The following GABRB1 variants were observed in gnomAD, a reference collection of about 807,000 sequenced individuals.
GABRB1 encodes the protein gamma-aminobutyric acid type A receptor subunit beta1.
In GABRB1, 17 loss-of-function variants were observed where a neutral mutation model predicts 51.6. That is an observed-to-expected ratio of 0.33 (90% CI 0.23 to 0.49). GABRB1 has a LOEUF of 0.49. GABRB1 is among the 20% of genes least tolerant of loss of function. The pLI, the probability that GABRB1 is intolerant of heterozygous loss-of-function variation, is 0.99. For missense variants in GABRB1, 410 were observed against 600.6 expected, an observed-to-expected ratio of 0.68 and a Z score of 3.32; for synonymous variants, 247 against 218.9, an observed-to-expected ratio of 1.13 and a Z score of -1.14.
intron 3 of GABRB1, among the ~76,000 whole-genome samples, chr4:47,108,663 C>T (rs368222090): frequency 1.5e-4 from 23 of 151,956 alleles, no homozygotes; most frequent in Middle Eastern, 3.4e-3. Flanking sequence ...ATAATAATTG[C>T]GATTATTGCT....
At chr4:47,354,976 C>G (rs1361667127) in intron 5 of GABRB1, among the ~76,000 whole-genome samples, 1 of 82,454 alleles carries the variant, frequency 1.2e-5, no homozygotes, top group Non-Finnish European at 2.6e-5. Flanking sequence ...TTCTTTCTTC[C>G]TTTGTTTTTT....
At chr4:47,413,539 A>T (rs948385174) in intron 8 of GABRB1, among the ~76,000 whole-genome samples, 13 of 152,186 alleles carry the variant, frequency 8.5e-5, no homozygotes, top group Non-Finnish European at 1.5e-5. Context: ...AAGACTATTA[A>T]TTTTTTTAAA....
intron 4 of GABRB1, among the ~76,000 whole-genome samples, chr4:47,286,786 A>G (rs192310666): frequency 1.2e-4 from 19 of 152,314 alleles, no homozygotes; most frequent in Admixed American, 1.2e-3. Context: ...AACATGTGAC[A>G]TGCCAAAGAA....
intron 4 of GABRB1, among the ~76,000 whole-genome samples, chr4:47,276,362 C>T (rs1433440602): frequency 6.6e-6 from 1 of 152,014 alleles, no homozygotes; most frequent in South Asian, 2.1e-4. Flanking sequence ...TTTCAATAAT[C>T]TTTCAGGGAA....
At chr4:47,113,831 C>T (rs1715346427) in intron 3 of GABRB1, among the ~76,000 whole-genome samples, 1 of 152,186 alleles carries the variant, frequency 6.6e-6, no homozygotes, top group Non-Finnish European at 1.5e-5. Context: ...ATTTATTCAG[C>T]CCCGCAGTTC....
At position 47,238,926 on chromosome 4, in the gene GABRB1, T is replaced by C. The variant is rs149615968; in HGVS notation, c.461+77457T>C. ...TGAAACATTAATGCTTCAGCTATTG[T>C]AGGAGGAGCTTTGAAAATGTTAGTT... On this transcript the variant is annotated intron_variant, in intron 4 of 8. Coordinates refer to ENST00000295454, the MANE Select transcript of GABRB1 (RefSeq NM_000812.4). 5.4e-4 allele frequency among the ~76,000 whole-genome samples: 82 copies of C among 152,296 alleles called. 2 individuals carry two copies. In the East Asian group the frequency reaches 0.013, roughly 25 times the overall value.
chr4:47,105,943 TG>T (rs1714950016), intron 3 of GABRB1, among the ~76,000 whole-genome samples: 1 of 152,228 alleles, frequency 6.6e-6, no homozygotes, highest in Admixed American at 6.5e-5. Flanking sequence ...TTAACTGGCT[TG>T]TATAAGATCT....
intron 5 of GABRB1, among the ~76,000 whole-genome samples, chr4:47,335,041 T>C (rs1230886283): frequency 6.6e-6 from 1 of 152,144 alleles, no homozygotes; most frequent in Non-Finnish European, 1.5e-5. Flanking sequence ...ATTAGGCATA[T>C]TTTTACAACT....
intron 5 of GABRB1, among the ~76,000 whole-genome samples, chr4:47,389,808 T>C (rs1183103396): frequency 1.3e-5 from 2 of 152,226 alleles, no homozygotes; most frequent in Non-Finnish European, 2.9e-5. Flanking sequence ...CAATCTACAT[T>C]GCTACAACAG....
chr4:47,331,825 G>A (rs548404541), intron 5 of GABRB1, among the ~76,000 whole-genome samples: 5 of 152,096 alleles, frequency 3.3e-5, no homozygotes, highest in South Asian at 2.1e-4. Flanking sequence ...GAAGAAAATC[G>A]AACCATCAAG....
chr4:47,238,697 TAA>T (rs979560636), intron 4 of GABRB1, among the ~76,000 whole-genome samples: 35 of 152,170 alleles, frequency 2.3e-4, no homozygotes, highest in African/African-American at 7.7e-4. Context: ...TGAAATATCC[TAA>T]GTGTCGAAAA....
chr4:47,165,101 C>T (rs755915129), intron 4 of GABRB1, among the ~76,000 whole-genome samples: 1 of 152,072 alleles, frequency 6.6e-6, no homozygotes, highest in Non-Finnish European at 1.5e-5. Flanking sequence ...CTTTTCAGAA[C>T]ACATGATGTC....
intron 4 of GABRB1, among the ~76,000 whole-genome samples, chr4:47,285,995 T>C (rs1367146715): frequency 6.6e-6 from 1 of 152,210 alleles, no homozygotes; most frequent in Non-Finnish European, 1.5e-5. Flanking sequence ...CTGAGCTAAA[T>C]TGCAAATTAA....
At chr4:47,147,344 C>A (rs1447707642) in intron 3 of GABRB1, among the ~76,000 whole-genome samples, 1 of 151,966 alleles carries the variant, frequency 6.6e-6, no homozygotes, top group Non-Finnish European at 1.5e-5. Context: ...TGCCTTCATT[C>A]AGACTAATAG....
At chr4:47,014,548 C>G (rs1040924713) in intron 1 of GABRB1, among the ~76,000 whole-genome samples, 4 of 152,108 alleles carry the variant, frequency 2.6e-5, no homozygotes, top group Non-Finnish European at 5.9e-5. Flanking sequence ...CCTCCCATAC[C>G]TAGCAATTGT....
chr4:47,283,917 C>T (rs1473422606), intron 4 of GABRB1, among the ~76,000 whole-genome samples: 1 of 151,920 alleles, frequency 6.6e-6, no homozygotes, highest in African/African-American at 2.4e-5. Context: ...TCAAGCTTCT[C>T]ACAGTACTGA....
At chr4:47,189,487 C>T (rs1415099144) in intron 4 of GABRB1, among the ~76,000 whole-genome samples, 1 of 151,612 alleles carries the variant, frequency 6.6e-6, no homozygotes, top group Non-Finnish European at 1.5e-5. Flanking sequence ...TATCCAATAA[C>T]CTCTATAAAT....
chr4:47,335,631 G>T (rs1725669742), intron 5 of GABRB1, among the ~76,000 whole-genome samples: 1 of 152,128 alleles, frequency 6.6e-6, no homozygotes, highest in Non-Finnish European at 1.5e-5. Flanking sequence ...CTGCTACGTT[G>T]ATACCAGGTT....
intron 8 of GABRB1, among the ~76,000 whole-genome samples, chr4:47,410,907 T>C (rs1423531736): frequency 6.6e-6 from 1 of 152,192 alleles, no homozygotes; most frequent in Admixed American, 6.5e-5. Flanking sequence ...AAATCTAAAA[T>C]AGGCTCACCC....
Sources: gnomAD v4.1 joint callset for allele counts (sites outside exome capture counted in the v4.1 genomes callset) on GRCh38, gnomAD v4.1.1 for gene constraint, MANE v1.5 for transcripts, NCBI Gene and HGNC (gene_info 2026-07-23, HGNC 2026-07-21) for gene names.